The following NLGN1 variants were observed in gnomAD, a reference collection of about 807,000 sequenced individuals.
NLGN1 encodes neuroligin 1.
A neutral mutation model predicts 65.5 loss-of-function variants in NLGN1; 12 were observed. The ratio of observed to expected loss-of-function variants is 0.18; its 90% CI spans 0.12 to 0.30. NLGN1 has a LOEUF of 0.30. Ranked by LOEUF, NLGN1 falls within the 10% of genes least tolerant of loss-of-function variation. NLGN1 has a pLI of 1.00. For synonymous variants in NLGN1, 350 were observed against 359.5 expected, an observed-to-expected ratio of 0.97 and a Z score of 0.30; for missense variants, 750 against 1,007.1, an observed-to-expected ratio of 0.74 and a Z score of 3.46.
intron 3 of NLGN1, among the ~76,000 whole-genome samples, chr3:173,695,079 G>C (rs113648693): frequency 8.3e-4 from 126 of 152,190 alleles, no homozygotes; most frequent in South Asian, 1.5e-3. Flanking sequence ...ACAGTCAAAG[G>C]CTTCCAGCTG....
chr3:173,623,042 G>T (rs754264769), intron 3 of NLGN1, among the ~76,000 whole-genome samples: 1 of 152,126 alleles, frequency 6.6e-6, no homozygotes, highest in Non-Finnish European at 1.5e-5. Context: ...GGGAACTTCA[G>T]CTGAATGAAG....
chr3:174,229,114 T>C (rs1038042683), intron 4 of NLGN1, among the ~76,000 whole-genome samples: 4 of 152,116 alleles, frequency 2.6e-5, no homozygotes, highest in Non-Finnish European at 5.9e-5. Context: ...TTTTAACTTC[T>C]TCACTGTAAA....
chr3:173,704,304 T>C (rs1767710433), intron 3 of NLGN1, among the ~76,000 whole-genome samples: 1 of 152,164 alleles, frequency 6.6e-6, no homozygotes, highest in African/African-American at 2.4e-5. Context: ...GACATGGTAG[T>C]TTCGTTGTTT....
chr3:174,068,635 A>G (rs1739173248), intron 4 of NLGN1, among the ~76,000 whole-genome samples: 1 of 152,012 alleles, frequency 6.6e-6, no homozygotes, highest in South Asian at 2.1e-4. Context: ...TAGACTGACT[A>G]TTTGCAGGCT....
At chr3:173,982,040 T>C (rs934978671) in intron 4 of NLGN1, among the ~76,000 whole-genome samples, 3 of 152,098 alleles carry the variant, frequency 2.0e-5, no homozygotes, top group African/African-American at 7.2e-5. Context: ...ATTTGAGGAA[T>C]AGAAAACATA....
chr3:173,668,768 C>T (rs62289894), intron 3 of NLGN1, among the ~76,000 whole-genome samples: 24,617 of 151,740 alleles, frequency 0.16, 2,206 homozygotes, highest in African/African-American at 0.23. Flanking sequence ...GGATTACAGG[C>T]ATGAGCCACC....
At chr3:173,974,933 C>A (rs1231781409) in intron 4 of NLGN1, among the ~76,000 whole-genome samples, 1 of 151,958 alleles carries the variant, frequency 6.6e-6, no homozygotes, top group Non-Finnish European at 1.5e-5. Context: ...ATTCAAGAGC[C>A]AATAACCCTT....
intron 4 of NLGN1, among the ~76,000 whole-genome samples, chr3:174,048,336 T>C (rs1734081336): frequency 6.6e-6 from 1 of 152,016 alleles, no homozygotes; most frequent in South Asian, 2.1e-4. Flanking sequence ...ATCTGCACAA[T>C]GAGGGAATTA....
chr3:173,938,310 T>G (rs1030751665), intron 4 of NLGN1, among the ~76,000 whole-genome samples: 1 of 152,126 alleles, frequency 6.6e-6, no homozygotes, highest in Non-Finnish European at 1.5e-5. Context: ...TGCCCCTCCA[T>G]AGCAGAAAAT....
chr3:173,795,674 A>C (rs1230242932), intron 3 of NLGN1, among the ~76,000 whole-genome samples: 1 of 152,132 alleles, frequency 6.6e-6, no homozygotes, highest in African/African-American at 2.4e-5. Context: ...ATAGTAACAT[A>C]ATCCTGTCGT....
intron 4 of NLGN1, among the ~76,000 whole-genome samples, chr3:173,846,687 T>C (rs1001195632): frequency 6.6e-6 from 1 of 152,214 alleles, no homozygotes; most frequent in East Asian, 1.9e-4. Flanking sequence ...GACATTTTAC[T>C]CTACTGAGGA....
chr3:174,086,183 A>ATG (rs140331992), intron 4 of NLGN1, among the ~76,000 whole-genome samples: 2,528 of 143,878 alleles, frequency 0.018, 59 homozygotes, highest in African/African-American at 0.049. Context: ...AAGTATATAT[A>ATG]TGTGTGTGTG....
intron 2 of NLGN1, among the ~76,000 whole-genome samples, chr3:173,561,585 A>ACTATAC (rs1486157360): frequency 6.6e-6 from 1 of 152,206 alleles, no homozygotes; most frequent in Non-Finnish European, 1.5e-5. Flanking sequence ...AATTAAATAT[A>ACTATAC]TGTGGTAATA....
chr3:173,911,926 G>A (rs945933649), intron 4 of NLGN1, among the ~76,000 whole-genome samples: 2 of 152,074 alleles, frequency 1.3e-5, no homozygotes, highest in African/African-American at 4.8e-5. Flanking sequence ...TATCTATGCC[G>A]ATAGAGTTGC....
intron 3 of NLGN1, among the ~76,000 whole-genome samples, chr3:173,661,742 G>C (rs1760957762): frequency 6.6e-6 from 1 of 151,948 alleles, no homozygotes; most frequent in African/African-American, 2.4e-5. Flanking sequence ...GGAATCATTA[G>C]TAAATAGCAT....
chr3:173,984,121 C>T (rs1260372973), intron 4 of NLGN1, among the ~76,000 whole-genome samples: 2 of 152,182 alleles, frequency 1.3e-5, no homozygotes, highest in Non-Finnish European at 1.5e-5. Flanking sequence ...TGGCTCTTCT[C>T]CGAGGCAAAT....
At chr3:173,460,211 A>G (rs1465645581) in intron 2 of NLGN1, among the ~76,000 whole-genome samples, 2 of 152,086 alleles carry the variant, frequency 1.3e-5, no homozygotes, top group African/African-American at 4.8e-5. Context: ...TTGGCCTCAT[A>G]ATAGTGCATT....
At chr3:174,184,360 C>T (rs1561238932) in intron 4 of NLGN1, among the ~76,000 whole-genome samples, 1 of 151,654 alleles carries the variant, frequency 6.6e-6, no homozygotes, top group African/African-American at 2.4e-5. Flanking sequence ...AAAAAGTACT[C>T]ATTATAAATA....
intron 4 of NLGN1, among the ~76,000 whole-genome samples, chr3:174,094,404 A>G (rs1027168957): frequency 3.3e-5 from 5 of 152,008 alleles, no homozygotes; most frequent in African/African-American, 1.2e-4. Flanking sequence ...GTGACCTAAA[A>G]TGGCTTTGAA....
Sources: gnomAD v4.1 joint callset for allele counts (sites outside exome capture counted in the v4.1 genomes callset) on GRCh38, gnomAD v4.1.1 for gene constraint, MANE v1.5 for transcripts, NCBI Gene and HGNC (gene_info 2026-07-23, HGNC 2026-07-21) for gene names.